Variants in SERPING1 observed in about 807,000 individuals in gnomAD.
SERPING1 encodes plasma protease C1 inhibitor.
In SERPING1, 5 loss-of-function variants were observed where a neutral mutation model predicts 34.1. That is an observed-to-expected ratio of 0.15 (90% CI 0.08 to 0.31). SERPING1 has a LOEUF of 0.31. SERPING1 is among the 10% of genes least tolerant of loss of function. The probability of loss-of-function intolerance (pLI) is 1.00; values close to 1 mark genes in which losing one functional copy is unlikely to be tolerated. For missense variants in SERPING1, 505 were observed against 609.5 expected (o/e 0.83, Z 1.81); for synonymous variants, 225 against 242.4 (o/e 0.93, Z 0.67).
chr11:57,600,186 G>T lies in SERPING1; in HGVS notation c.359G>T (p.Gly120Val), dbSNP rs1239945433. The T allele has an allele frequency of 6.2e-7, 1 of 1,613,656 alleles. No individual in the cohort carries two copies. The change falls in exon 3 of 8, where the codon GGG becomes GTG. Residue 120 changes from glycine (G) to valine (V), a missense_variant. Physicochemically the swap from Gly to Val is moderately radical, Grantham distance 109. Coordinates refer to ENST00000278407, the MANE Select transcript of SERPING1 (RefSeq NM_000062.3). ...PTDSPTQPTT[G>V]SFCPGPVTLC... ...GATTCTCCTACCCAGCCCACTACTG[G>T]GTCCTTCTGCCCAGGACCTGTTACT...
chr11:57,600,937 C>G (rs568047025), intron 3 of SERPING1, among the ~76,000 whole-genome samples: 1 of 135,646 alleles, frequency 7.4e-6, no homozygotes, highest in Non-Finnish European at 1.6e-5. Flanking sequence ...GGTGACAGAG[C>G]GAGACTCTGT....
chr11:57,606,917 A>G (rs1590827048), intron 6 of SERPING1: 3 of 487,628 alleles, frequency 6.2e-6, no homozygotes, highest in East Asian at 5.2e-5. Flanking sequence ...ATACATATAC[A>G]TGTGTAGACG....
intron 7 of SERPING1, among the ~76,000 whole-genome samples, chr11:57,612,398 A>G (rs940516273): frequency 5.5e-5 from 8 of 145,534 alleles, no homozygotes; most frequent in African/African-American, 2.0e-4. Context: ...CAGAGACTCC[A>G]TTTTCTTTTT....
Position 57,600,044 on chromosome 11 carries a change from A to G in SERPING1, c.217A>G (p.Asn73Asp), listed in dbSNP as rs760295555. Residue 73 changes from asparagine to aspartate, a missense_variant, in exon 3 of 8, where the codon AAT becomes GAT. Coordinates refer to ENST00000278407, the MANE Select transcript of SERPING1 (RefSeq NM_000062.3). Reference sequence around the variant, plus strand: ...CTTGCCGACAACCAACTCAACAACCAATTCAGCCACCAAAATAACAGCTAA... The same window carrying G: ...CTTGCCGACAACCAACTCAACAACCGATTCAGCCACCAAAATAACAGCTAA... The part of the protein sequence containing the change: ...SSLPTTNSTT[N>D]SATKITANTT... 1.4e-5 allele frequency: 23 copies of G among 1,614,070 alleles called. No individual in the cohort carries two copies. Among genetic ancestry groups the G allele is most frequent in the Non-Finnish European group, 1.9e-5 (23 of 1,180,020 alleles).
At chr11:57,610,666 G>C (rs1590829113) in intron 6 of SERPING1, among the ~76,000 whole-genome samples, 1 of 152,116 alleles carries the variant, frequency 6.6e-6, no homozygotes, top group East Asian at 1.9e-4. Flanking sequence ...TCTCAGCCTT[G>C]GCACTATTGA....
chr11:57,605,806 T>C, intron 4 of SERPING1: 1 of 639,318 alleles, frequency 1.6e-6, no homozygotes, highest in Non-Finnish European at 2.8e-6. Flanking sequence ...TTGGGGCTAC[T>C]TCTCTTGTTC....
chr11:57,610,575 T>G (rs1469600589), intron 6 of SERPING1, among the ~76,000 whole-genome samples: 1 of 152,262 alleles, frequency 6.6e-6, no homozygotes, highest in Admixed American at 6.5e-5. Context: ...GAATTCTGCA[T>G]TCTTCTAGAT....
intron 1 of SERPING1, chr11:57,597,991 T>TC: frequency 2.9e-6 from 1 of 346,510 alleles, no homozygotes; most frequent in Non-Finnish European, 5.6e-6. Context: ...TCCCACCACC[T>TC]CCCCTCCGAC....
intron 6 of SERPING1, among the ~76,000 whole-genome samples, chr11:57,608,821 T>TG (rs929817530): frequency 6.6e-6 from 1 of 151,834 alleles, no homozygotes; most frequent in African/African-American, 2.4e-5. Flanking sequence ...CCTGAGTTTT[T>TG]TTTTTTTTTT....
chr11:57,608,669 C>A (rs988969465), intron 6 of SERPING1, among the ~76,000 whole-genome samples: 2 of 152,108 alleles, frequency 1.3e-5, no homozygotes, highest in Non-Finnish European at 2.9e-5. Context: ...CCTGCCACCA[C>A]TCCCAGCTAA....
chr11:57,610,326 G>A (rs750388047), intron 6 of SERPING1, among the ~76,000 whole-genome samples: 4 of 152,168 alleles, frequency 2.6e-5, no homozygotes, highest in Non-Finnish European at 4.4e-5. Flanking sequence ...GTACACCGAG[G>A]TTACTGGCTT....
chr11:57,600,762 C>T (rs1393637445), intron 3 of SERPING1, among the ~76,000 whole-genome samples: 1 of 151,986 alleles, frequency 6.6e-6, no homozygotes, highest in Non-Finnish European at 1.5e-5. Context: ...ACCAGCCTGG[C>T]CAACATGGTG....
intron 1 of SERPING1, 199 bp from the exon 2 acceptor site, chr11:57,598,050 C>G (rs1179831365): frequency 3.5e-6 from 2 of 568,462 alleles, no homozygotes; most frequent in African/African-American, 1.9e-5. Flanking sequence ...AAGGGCCAGC[C>G]GGTGCCGGGA....
intron 4 of SERPING1, 184 bp from the exon 5 acceptor site, chr11:57,605,826 G>A (rs1945402759): frequency 1.5e-6 from 1 of 684,104 alleles, no homozygotes; most frequent in Non-Finnish European, 2.7e-6. Flanking sequence ...CTTGGTTCTG[G>A]GTTTACCTTC....
chr11:57,604,318 G>A (rs1945384338), intron 4 of SERPING1, among the ~76,000 whole-genome samples: 1 of 152,058 alleles, frequency 6.6e-6, no homozygotes, highest in Admixed American at 6.6e-5. Context: ...CATGTATTAT[G>A]TTATTAAGTA....
intron 4 of SERPING1, among the ~76,000 whole-genome samples, chr11:57,603,620 C>T (rs1323576850): frequency 2.7e-5 from 4 of 150,352 alleles, no homozygotes; most frequent in Non-Finnish European, 3.0e-5. Context: ...GGGCGGACCA[C>T]GAGGTCAGAA....
At chr11:57,601,358 G>A (rs1590823377) in intron 3 of SERPING1, among the ~76,000 whole-genome samples, 1 of 150,574 alleles carries the variant, frequency 6.6e-6, no homozygotes. Context: ...CCGAAATCAT[G>A]CCACTGCACT....
intron 2 of SERPING1, 75 bp from the exon 3 acceptor site, chr11:57,599,804 C>T: frequency 6.2e-7 from 1 of 1,606,290 alleles, no homozygotes. Context: ...CACACCTTCT[C>T]TTCCTGCTTT....
intron 4 of SERPING1, 159 bp from the exon 5 acceptor site, chr11:57,605,851 G>A: frequency 1.3e-6 from 1 of 756,744 alleles, no homozygotes; most frequent in East Asian, 2.5e-5. Context: ...GGCCTTATTT[G>A]CCACATCTGT....
Sources: gnomAD v4.1 joint callset for allele counts (sites outside exome capture counted in the v4.1 genomes callset) on GRCh38, gnomAD v4.1.1 for gene constraint, MANE v1.5 for transcripts, NCBI Gene and HGNC (gene_info 2026-07-23, HGNC 2026-07-21) for gene names.